DOCK3: variants seen among roughly 807,000 people sequenced by gnomAD.
DOCK3 encodes dedicator of cytokinesis 3, also known as dedicator of cytokinesis protein 3.
A neutral mutation model predicts 265.6 loss-of-function variants in DOCK3; 60 were observed. That is an observed-to-expected ratio of 0.23 (90% CI 0.18 to 0.28). The LOEUF is 0.28. Among genes scored for constraint, DOCK3 ranks in the 10% least tolerant of loss-of-function variants. The probability of loss-of-function intolerance (pLI) is 1.00; values close to 1 mark genes in which losing one functional copy is unlikely to be tolerated. For missense variants in DOCK3, 1,981 were observed against 2,594.3 expected (o/e 0.76, Z 5.14); for synonymous variants, 881 against 938.0 (o/e 0.94, Z 1.11).
chr3:50,748,983 T>C (rs1337836481), intron 1 of DOCK3, among the ~76,000 whole-genome samples: 1 of 152,130 alleles, frequency 6.6e-6, no homozygotes, highest in Non-Finnish European at 1.5e-5. Flanking sequence ...TGTTAGAAAA[T>C]AGCCATCTAG....
chr3:50,828,288 C>T (rs763461145), intron 2 of DOCK3, among the ~76,000 whole-genome samples: 12 of 152,130 alleles, frequency 7.9e-5, no homozygotes, highest in Non-Finnish European at 1.3e-4. Flanking sequence ...CTCCCCAGAT[C>T]GCATGAACTT....
intron 5 of DOCK3, among the ~76,000 whole-genome samples, chr3:51,054,121 T>TAAAAAA (rs35733959): frequency 1.2e-5 from 1 of 85,012 alleles, no homozygotes; most frequent in Admixed American, 1.3e-4. Context: ...CGTAGCTTCC[T>TAAAAAA]AAAAAAAAAA....
intron 1 of DOCK3, among the ~76,000 whole-genome samples, chr3:50,687,972 T>C (rs965756097): frequency 2.0e-5 from 3 of 152,214 alleles, no homozygotes; most frequent in Admixed American, 2.0e-4. Flanking sequence ...CTGGATTGCA[T>C]ACTACAGTGA....
At chr3:50,950,932 C>G (rs778016949) in intron 5 of DOCK3, among the ~76,000 whole-genome samples, 2 of 152,092 alleles carry the variant, frequency 1.3e-5, no homozygotes, top group Non-Finnish European at 2.9e-5. Flanking sequence ...TGGAGAGAAT[C>G]TCCAATCTCC....
chr3:51,262,495 C>A (rs2079912049), intron 23 of DOCK3, among the ~76,000 whole-genome samples: 1 of 152,060 alleles, frequency 6.6e-6, no homozygotes, highest in Non-Finnish European at 1.5e-5. Context: ...TTCCAAAAAA[C>A]CAGAACGCCT....
intron 12 of DOCK3, among the ~76,000 whole-genome samples, chr3:51,183,098 G>T: frequency 6.6e-6 from 1 of 152,290 alleles, no homozygotes; most frequent in South Asian, 2.1e-4. Context: ...GCCACTTCCT[G>T]TGTGGCCCTT....
At chr3:51,131,352 A>C (rs2084527149) in intron 9 of DOCK3, among the ~76,000 whole-genome samples, 1 of 152,008 alleles carries the variant, frequency 6.6e-6, no homozygotes, top group African/African-American at 2.4e-5. Context: ...ATGCCTCATC[A>C]TTTCTCTTTC....
At chr3:50,801,102 G>T (rs2043044061) in intron 2 of DOCK3, among the ~76,000 whole-genome samples, 1 of 151,856 alleles carries the variant, frequency 6.6e-6, no homozygotes, top group East Asian at 1.9e-4. Flanking sequence ...AAAATTTTCT[G>T]TTTTTTTTCT....
Position 50,952,197 on chromosome 3 carries a change from G to A in DOCK3, c.315+18120G>A, listed in dbSNP as rs145386348. On this transcript the variant is annotated intron_variant, in intron 5 of 52. Coordinates refer to ENST00000266037, the MANE Select transcript of DOCK3 (RefSeq NM_004947.5). ...TCTCTAAATCTGAATTATGACAGCA[G>A]CATATTAAAAAGGTTGGAATAGTAT... Among the ~76,000 whole-genome samples the A allele has an allele frequency of 6.2e-3, 946 of 152,228 alleles. 7 individuals carry two copies. The highest frequency in any genetic ancestry group is 0.01 in the Non-Finnish European group (705 of 68,008).
chr3:51,285,840 C>T (rs958255695), intron 27 of DOCK3, among the ~76,000 whole-genome samples: 4 of 152,032 alleles, frequency 2.6e-5, no homozygotes, highest in Admixed American at 2.0e-4. Context: ...GAGGCTGAGG[C>T]AGGAGAATCG....
chr3:51,376,241 G>A (rs1434643860), intron 51 of DOCK3, among the ~76,000 whole-genome samples: 2 of 152,190 alleles, frequency 1.3e-5, no homozygotes, highest in African/African-American at 4.8e-5. Context: ...CTCAGAACAG[G>A]CCGTGGCCAA....
At position 51,264,829 on chromosome 3, in the gene DOCK3, A is replaced by AAAATAAATAAATAAATAAATAAAT. The variant is rs71084138; in HGVS notation, c.2355+4510_2355+4533dup. ...GTGACAGAGCGAGACTCAGTCTCAA[A>AAAATAAATAAATAAATAAATAAAT]AAATAAATAAATAAATAAATAAATA... On this transcript the variant is annotated intron_variant, in intron 23 of 52. Coordinates refer to ENST00000266037, the MANE Select transcript of DOCK3 (RefSeq NM_004947.5). Among the ~76,000 whole-genome samples the AAAATAAATAAATAAATAAATAAAT allele has an allele frequency of 2.1e-3, 305 of 142,244 alleles. 2 individuals are homozygous for AAAATAAATAAATAAATAAATAAAT. The highest frequency in any genetic ancestry group is 3.8e-3 in the Admixed American group (55 of 14,298). 93.3% of individuals were successfully genotyped at this position (142,244 alleles called of 152,430 possible).
intron 23 of DOCK3, among the ~76,000 whole-genome samples, chr3:51,266,236 G>C (rs2080157719): frequency 6.6e-6 from 1 of 152,118 alleles, no homozygotes. Flanking sequence ...TCAATATCGT[G>C]AAAATGGCCA....
intron 4 of DOCK3, chr3:50,893,215 G>A: frequency 3.7e-6 from 1 of 271,470 alleles, no homozygotes. Flanking sequence ...GAAGGATCGG[G>A]AATACATGAC....
Position 50,675,404 on chromosome 3 carries a change from G to T in DOCK3, c.37+104G>T. On this transcript the variant is annotated intron_variant, in intron 1 of 52. Transcript: ENST00000266037. The surrounding 1 kb of genome is among the most constrained non-coding windows in gnomAD (Gnocchi z 6.1). ...CTCGTGCCCCCGCCACTGCCCGCAG[G>T]CTGCGCGGCCTCGGCGCGGGGCGAG... 4.8e-6 allele frequency: 5 copies of T among 1,051,100 alleles called. No homozygotes were observed. The highest frequency in any genetic ancestry group is 5.9e-6 in the Non-Finnish European group (5 of 840,978). 65.1% of individuals were successfully genotyped at this position (1,051,100 alleles called of 1,614,324 possible). A position where few individuals can be genotyped will look rare whatever the true frequency, so the allele number is the denominator to read the frequency against.
chr3:51,256,265 T>G (rs2079540304), intron 22 of DOCK3, among the ~76,000 whole-genome samples: 1 of 152,164 alleles, frequency 6.6e-6, no homozygotes, highest in African/African-American at 2.4e-5. Flanking sequence ...TCTTGGAACC[T>G]CCTCCTTGTT....
chr3:50,881,597 T>A (rs1432125410), intron 3 of DOCK3, among the ~76,000 whole-genome samples: 1 of 152,108 alleles, frequency 6.6e-6, no homozygotes, highest in African/African-American at 2.4e-5. Context: ...TACAAACCAC[T>A]GCTCAACGAA....
chr3:51,134,469 A>T (rs547741308), intron 9 of DOCK3, among the ~76,000 whole-genome samples: 2 of 152,284 alleles, frequency 1.3e-5, no homozygotes, highest in African/African-American at 4.8e-5. Context: ...ATTATTTGCC[A>T]TTCAAGTTTC....
intron 5 of DOCK3, among the ~76,000 whole-genome samples, chr3:51,012,895 T>G (rs1415664805): frequency 2.0e-5 from 3 of 152,204 alleles, no homozygotes. Flanking sequence ...ATTTCATTCA[T>G]TTGATCTTCA....
Sources: allele counts gnomAD v4.1 joint callset (sites outside exome capture counted in the v4.1 genomes callset), GRCh38; gene constraint gnomAD v4.1.1; non-coding constraint Gnocchi (gnomAD v3.1); transcripts MANE v1.5; gene names NCBI Gene and HGNC (gene_info 2026-07-23, HGNC 2026-07-21).